Variants in VEPH1 observed in about 807,000 individuals in gnomAD.
The protein encoded by VEPH1 is ventricular zone expressed PH domain containing 1.
A neutral mutation model predicts 85.2 loss-of-function variants in VEPH1; 80 were observed. That is an observed-to-expected ratio of 0.94 (90% CI 0.78 to 1.13). VEPH1 has a LOEUF of 1.13. Among genes scored for constraint, VEPH1 ranks in the 50% most tolerant of loss-of-function variants. VEPH1 has a pLI of 0.00. For synonymous variants in VEPH1, 297 were observed against 348.0 expected, an observed-to-expected ratio of 0.85 and a Z score of 1.63; for missense variants, 955 against 980.5, an observed-to-expected ratio of 0.97 and a Z score of 0.35.
chr3:157,304,539 T>C (rs936649474), intron 11 of VEPH1, among the ~76,000 whole-genome samples: 3 of 152,134 alleles, frequency 2.0e-5, no homozygotes, highest in South Asian at 4.1e-4. Flanking sequence ...CTCTGAAGTG[T>C]TGGGTAGCAC....
At chr3:157,359,213 G>A (rs115234807) in intron 9 of VEPH1, among the ~76,000 whole-genome samples, 2,810 of 152,208 alleles carry the variant, frequency 0.018, 41 homozygotes, top group Admixed American at 0.039. Flanking sequence ...TCAGTTATGG[G>A]CCAGATTTCC....
chr3:157,262,531 A>C (rs1317756502), intron 13 of VEPH1, among the ~76,000 whole-genome samples: 1 of 151,972 alleles, frequency 6.6e-6, no homozygotes, highest in Non-Finnish European at 1.5e-5. Flanking sequence ...GTAGAACAGA[A>C]ACATGATTTA....
chr3:157,382,119 T>C (rs1265929358), intron 6 of VEPH1, among the ~76,000 whole-genome samples: 1 of 152,202 alleles, frequency 6.6e-6, no homozygotes, highest in African/African-American at 2.4e-5. Context: ...GTGTGCTAGG[T>C]TGATTTCCTT....
intron 3 of VEPH1, among the ~76,000 whole-genome samples, chr3:157,461,678 T>A (rs555621089): frequency 6.6e-6 from 1 of 152,170 alleles, no homozygotes; most frequent in African/African-American, 2.4e-5. Context: ...ATACATACAA[T>A]TCCTGAGCAA....
intron 9 of VEPH1, among the ~76,000 whole-genome samples, chr3:157,333,455 A>T (rs184049596): frequency 6.6e-6 from 1 of 152,354 alleles, no homozygotes; most frequent in East Asian, 1.9e-4. Flanking sequence ...GGAATCTGGG[A>T]TATTTTCAGA....
intron 12 of VEPH1, among the ~76,000 whole-genome samples, chr3:157,269,366 CAA>C (rs1210327797): frequency 2.6e-5 from 4 of 152,024 alleles, no homozygotes; most frequent in African/African-American, 9.7e-5. Flanking sequence ...AGCTGGGAAG[CAA>C]AGACTTTTCA....
intron 11 of VEPH1, among the ~76,000 whole-genome samples, chr3:157,305,101 CTTTTTTTTTTTTT>C (rs139799192): frequency 1.9e-4 from 15 of 77,818 alleles, no homozygotes; most frequent in African/African-American, 7.8e-4. Flanking sequence ...ATCTATCTGT[CTTTTTTTTTTTTT>C]TTTTTTTTTT....
At chr3:157,451,628 T>C (rs1734973664) in intron 4 of VEPH1, among the ~76,000 whole-genome samples, 1 of 152,190 alleles carries the variant, frequency 6.6e-6, no homozygotes, top group South Asian at 2.1e-4. Context: ...GAGCATTTGG[T>C]TTGAAATCAG....
Position 157,423,071 on chromosome 3 carries a change from A to C in VEPH1, c.696+5251T>G, listed in dbSNP as rs553396530. Among the ~76,000 whole-genome samples the C allele has an allele frequency of 6.6e-5, 10 of 152,234 alleles. No homozygotes were observed. In the South Asian group the frequency reaches 2.1e-3, roughly 32 times the overall value. On this transcript the variant is annotated intron_variant, in intron 5 of 13. Coordinates refer to ENST00000362010, the MANE Select transcript of VEPH1 (RefSeq NM_001167912.2). ...ACAGCATGACTTTTCCTCGTTCTTC[A>C]TGTCTTCACTATTTTTGTCTCTTGT...
rs138907188 is a variant in VEPH1, at chr3:157,362,046, G to C, written c.1735+1318C>G. On this transcript the variant is annotated intron_variant, in intron 9 of 13. Transcript: ENST00000362010. ...TAATTTTTTTATTTTTTTTTTGGGT[G>C]GGGGGACAGAGTCCCACTCAATTGC... is the stretch of plus-strand genomic sequence containing the variant. Among the ~76,000 whole-genome samples the C allele has an allele frequency of 1.6e-4, 24 of 150,794 alleles. 1 individual carries two copies. In the South Asian group the frequency reaches 2.9e-3, roughly 18 times the overall value.
chr3:157,417,849 C>G (rs949040192), intron 5 of VEPH1, among the ~76,000 whole-genome samples: 1 of 152,158 alleles, frequency 6.6e-6, no homozygotes, highest in Non-Finnish European at 1.5e-5. Flanking sequence ...GCCTTTATAA[C>G]AATCTGTGAT....
At chr3:157,294,626 C>T (rs752247857) in intron 11 of VEPH1, among the ~76,000 whole-genome samples, 17 of 152,230 alleles carry the variant, frequency 1.1e-4, no homozygotes, top group Non-Finnish European at 2.4e-4. Flanking sequence ...AATATTCTTA[C>T]ACGTGTTCCC....
rs201208570 is a variant in VEPH1, at chr3:157,272,852, GACA to G, written c.2129-7193_2129-7191del. On this transcript the variant is annotated intron_variant, in intron 12 of 13. Transcript: ENST00000362010. ...TTGTCATTCTTTGGCCCTTTAGAAAGACAACAAGCAAAATCCCTCAAGCATCCT... is the reference window on the plus strand; with the variant it reads ...TTGTCATTCTTTGGCCCTTTAGAAAGACAAGCAAAATCCCTCAAGCATCCT... Among the ~76,000 whole-genome samples, 409 of 152,258 alleles carry G rather than the reference GACA, an allele frequency of 2.7e-3. 5 individuals carry two copies. The East Asian group carries it at 0.043, about 16-fold the overall frequency.
intron 4 of VEPH1, among the ~76,000 whole-genome samples, chr3:157,440,887 C>G (rs1734065933): frequency 6.6e-6 from 1 of 152,122 alleles, no homozygotes; most frequent in Admixed American, 6.5e-5. Flanking sequence ...GTTCTCCAAC[C>G]AGGCCCCTTG....
At chr3:157,296,726 A>G (rs1325405892) in intron 11 of VEPH1, among the ~76,000 whole-genome samples, 2 of 152,244 alleles carry the variant, frequency 1.3e-5, no homozygotes, top group Non-Finnish European at 2.9e-5. Context: ...CTTAGAAATA[A>G]AAGTTTTTCT....
chr3:157,438,223 T>TA lies in VEPH1; in HGVS notation c.530-9736dup, dbSNP rs200557052. Among the ~76,000 whole-genome samples, 145 of 152,068 alleles carry TA rather than the reference T, an allele frequency of 9.5e-4. 1 individual carries two copies. Among genetic ancestry groups the TA allele is most frequent in the Admixed American group, 8.0e-3 (122 of 15,268 alleles). On this transcript the variant is annotated intron_variant, in intron 4 of 13. Coordinates refer to ENST00000362010, the MANE Select transcript of VEPH1 (RefSeq NM_001167912.2). ...CTTGAAATAGACGTCTAGGGCCCCT[T>TA]ACACCCGATCCGACTAAGCGCTGCA...
At chr3:157,454,725 C>T (rs967852284) in intron 4 of VEPH1, among the ~76,000 whole-genome samples, 1 of 152,070 alleles carries the variant, frequency 6.6e-6, no homozygotes, top group Non-Finnish European at 1.5e-5. Context: ...GCACAGTACC[C>T]AATAAGTAGT....
chr3:157,501,183 G>A (rs1179757138), intron 1 of VEPH1, among the ~76,000 whole-genome samples: 2 of 152,126 alleles, frequency 1.3e-5, no homozygotes, highest in East Asian at 1.9e-4. Flanking sequence ...TTATATCTTT[G>A]TTGTCCTTTC....
intron 7 of VEPH1, among the ~76,000 whole-genome samples, chr3:157,378,358 A>G (rs956114536): frequency 1.4e-4 from 15 of 107,396 alleles, no homozygotes; most frequent in African/African-American, 3.9e-4. Context: ...ATATATATAT[A>G]GTAGTGATTC....
Sources: allele counts gnomAD v4.1 joint callset (sites outside exome capture counted in the v4.1 genomes callset), GRCh38; gene constraint gnomAD v4.1.1; transcripts MANE v1.5; gene names NCBI Gene and HGNC (gene_info 2026-07-23, HGNC 2026-07-21).